DCDC2: variants seen among roughly 807,000 people sequenced by gnomAD.
DCDC2 encodes doublecortin domain containing 2, also known as doublecortin domain-containing protein 2.
DCDC2 carries 40 observed loss-of-function variants against 50.2 expected under a neutral mutation model. The observed-to-expected ratio is 0.80, with a 90% confidence interval of 0.62 to 1.04. The LOEUF is 1.04. Among genes scored for constraint, DCDC2 ranks in the 50% least tolerant of loss-of-function variants. The pLI is 0.00. For synonymous variants in DCDC2, 234 were observed against 210.6 expected, an observed-to-expected ratio of 1.11 and a Z score of -0.96; for missense variants, 570 against 581.9, an observed-to-expected ratio of 0.98 and a Z score of 0.21.
chr6:24,367,502 G>A, the DCDC2 span, among the ~76,000 whole-genome samples: 1 of 152,232 alleles, frequency 6.6e-6, no homozygotes, highest in Non-Finnish European at 1.5e-5. Flanking sequence ...GGCCGAGGTG[G>A]GAGGAAGGGA....
intron 8 of DCDC2, 89 bp from the exon 9 acceptor site, chr6:24,178,721 C>CT: frequency 7.7e-7 from 1 of 1,300,906 alleles, no homozygotes; most frequent in Non-Finnish European, 1.1e-6. Flanking sequence ...ACTTATATTA[C>CT]AGTCAAGTAA....
chr6:24,206,667 G>A (rs548390864), intron 7 of DCDC2, among the ~76,000 whole-genome samples: 3 of 152,278 alleles, frequency 2.0e-5, no homozygotes, highest in South Asian at 2.1e-4. Flanking sequence ...GCGGAGCTAC[G>A]AATGGTTTGC....
chr6:24,368,367 A>G, the DCDC2 span, among the ~76,000 whole-genome samples: 4 of 152,292 alleles, frequency 2.6e-5, no homozygotes, highest in South Asian at 4.1e-4. Context: ...AAGAAGAAAA[A>G]AAAACAAAGA....
At chr6:24,366,241 A>G in the DCDC2 span, among the ~76,000 whole-genome samples, 1 of 152,220 alleles carries the variant, frequency 6.6e-6, no homozygotes, top group African/African-American at 2.4e-5. Flanking sequence ...CCTGAAGAAA[A>G]CCATAAAGTG....
chr6:24,259,611 G>C (rs1333564031), intron 7 of DCDC2, among the ~76,000 whole-genome samples: 1 of 152,090 alleles, frequency 6.6e-6, no homozygotes, highest in Non-Finnish European at 1.5e-5. Flanking sequence ...CAATTTGAAG[G>C]ATTAATTAAC....
intron 7 of DCDC2, among the ~76,000 whole-genome samples, chr6:24,253,254 A>G (rs1762827828): frequency 1.3e-5 from 2 of 152,186 alleles, no homozygotes; most frequent in African/African-American, 4.8e-5. Context: ...TAAACTAATT[A>G]TAAAAAAAGA....
intron 7 of DCDC2, among the ~76,000 whole-genome samples, chr6:24,249,114 C>T (rs1016007414): frequency 2.6e-5 from 4 of 152,132 alleles, no homozygotes; most frequent in Middle Eastern, 3.4e-3. Context: ...AAAAATAAGC[C>T]GCTCATTCTA....
At chr6:24,239,400 T>C (rs1238947661) in intron 7 of DCDC2, among the ~76,000 whole-genome samples, 3 of 152,162 alleles carry the variant, frequency 2.0e-5, no homozygotes, top group Non-Finnish European at 2.9e-5. Context: ...CAGAGCCTCT[T>C]CTCATTTTAC....
intron 8 of DCDC2, among the ~76,000 whole-genome samples, chr6:24,182,570 T>C (rs915588166): frequency 9.2e-6 from 1 of 108,472 alleles, no homozygotes; most frequent in African/African-American, 3.2e-5. Context: ...TACTAATAAT[T>C]AGGGAAATAC....
At chr6:24,329,502 G>C (rs9460992) in intron 2 of DCDC2, among the ~76,000 whole-genome samples, 5 of 151,854 alleles carry the variant, frequency 3.3e-5, no homozygotes, top group Admixed American at 3.3e-4. Context: ...ATAATGGTAC[G>C]GTAAGAAAGA....
At chr6:24,222,110 AAGACAAG>A (rs1212877838) in intron 7 of DCDC2, among the ~76,000 whole-genome samples, 8 of 70,190 alleles carry the variant, frequency 1.1e-4, no homozygotes, top group Admixed American at 4.8e-4. Flanking sequence ...AGGTGAGAAA[AAGACAAG>A]AGAATATTCT....
chr6:24,210,019 GGTGTGTGTGTGTGTGT>G (rs71002475), intron 7 of DCDC2, among the ~76,000 whole-genome samples: 18 of 145,198 alleles, frequency 1.2e-4, no homozygotes, highest in African/African-American at 2.9e-4. Flanking sequence ...GCAGTATCAG[GGTGTGTGTGTGTGTGT>G]GTGTGTGTGT....
intron 5 of DCDC2, among the ~76,000 whole-genome samples, chr6:24,289,219 A>C (rs1347571094): frequency 6.6e-6 from 1 of 152,214 alleles, no homozygotes; most frequent in East Asian, 1.9e-4. Context: ...CATTTCAAAA[A>C]ATCATTTCCA....
At chr6:24,279,160 G>T (rs1244884654) in intron 6 of DCDC2, among the ~76,000 whole-genome samples, 1 of 152,162 alleles carries the variant, frequency 6.6e-6, no homozygotes, top group South Asian at 2.1e-4. Flanking sequence ...ACTACATTGG[G>T]GGCTACTGCA....
At chr6:24,319,506 A>G (rs1284999535) in intron 2 of DCDC2, among the ~76,000 whole-genome samples, 1 of 151,968 alleles carries the variant, frequency 6.6e-6, no homozygotes, top group Admixed American at 6.6e-5. Context: ...TCCTTGATTC[A>G]GAATATTTTT....
At chr6:24,299,131 T>C (rs1041554924) in intron 4 of DCDC2, among the ~76,000 whole-genome samples, 14 of 152,274 alleles carry the variant, frequency 9.2e-5, no homozygotes, top group Non-Finnish European at 1.6e-4. Context: ...ATATGGTGTA[T>C]ATACACCATG....
chr6:24,178,713 T>C (rs1760982549), intron 8 of DCDC2, 81 bp from the exon 9 acceptor site: 1 of 1,315,808 alleles, frequency 7.6e-7, no homozygotes, highest in Non-Finnish European at 1.0e-6. Context: ...AATGTAATAC[T>C]TATATTACAG....
chr6:24,316,882 A>T (rs939007715), intron 2 of DCDC2, among the ~76,000 whole-genome samples: 6 of 152,110 alleles, frequency 3.9e-5, no homozygotes, highest in African/African-American at 1.4e-4. Context: ...CGATGCAAGT[A>T]TGAAAAATAC....
At chr6:24,308,023 T>C (rs1175324436) in intron 2 of DCDC2, among the ~76,000 whole-genome samples, 1 of 152,164 alleles carries the variant, frequency 6.6e-6, no homozygotes, top group Non-Finnish European at 1.5e-5. Context: ...TAAACCTCCA[T>C]AGACAGTCAG....
Sources: allele counts gnomAD v4.1 joint callset (sites outside exome capture counted in the v4.1 genomes callset), GRCh38; gene constraint gnomAD v4.1.1; transcripts MANE v1.5; gene names NCBI Gene and HGNC (gene_info 2026-07-23, HGNC 2026-07-21).